The following RGS12 variants were observed in gnomAD, a reference collection of about 807,000 sequenced individuals.
The protein encoded by RGS12 is regulator of G-protein signaling 12.
A neutral mutation model predicts 120.1 loss-of-function variants in RGS12; 66 were observed. The observed-to-expected ratio is 0.55, with a 90% confidence interval of 0.45 to 0.67. The LOEUF is 0.67. RGS12 is among the 30% of genes least tolerant of loss of function. The probability of loss-of-function intolerance (pLI) is 0.00; values close to 1 mark genes in which losing one functional copy is unlikely to be tolerated. For missense variants in RGS12, 1,859 were observed against 1,957.7 expected (o/e 0.95, Z 0.95); for synonymous variants, 827 against 804.7 (o/e 1.03, Z -0.47).
At chr4:3,357,905 C>T (rs1159844956) in intron 3 of RGS12, among the ~76,000 whole-genome samples, 3 of 152,102 alleles carry the variant, frequency 2.0e-5, no homozygotes, top group Non-Finnish European at 4.4e-5. Flanking sequence ...ATTGGGATTT[C>T]AATAGGGATT....
intron 16 of RGS12, 43 bp downstream of exon 16, chr4:3,428,754 C>T (rs748061515): frequency 6.6e-7 from 1 of 1,523,250 alleles, no homozygotes; most frequent in Non-Finnish European, 8.9e-7. Flanking sequence ...AGTAAATGCA[C>T]AGTTAGTTTC....
At chr4:3,414,489 G>A in intron 5 of RGS12, 1 of 598,214 alleles carries the variant, frequency 1.7e-6, no homozygotes, top group Non-Finnish European at 2.9e-6. Context: ...TCTCTCTGCA[G>A]CCCGCAGCAC....
intron 1 of RGS12, among the ~76,000 whole-genome samples, chr4:3,306,265 G>A (rs1416975705): frequency 6.6e-6 from 1 of 152,242 alleles, no homozygotes; most frequent in Non-Finnish European, 1.5e-5. Flanking sequence ...GGAAGGAGGA[G>A]CTGGCTGGCT....
intron 10 of RGS12, among the ~76,000 whole-genome samples, chr4:3,421,940 G>T (rs1723062301): frequency 6.6e-6 from 1 of 152,260 alleles, no homozygotes; most frequent in African/African-American, 2.4e-5. Flanking sequence ...CCGGAAGGCA[G>T]TGCCGACGAA....
chr4:3,349,273 C>T (rs897144529), intron 3 of RGS12, among the ~76,000 whole-genome samples: 2 of 152,172 alleles, frequency 1.3e-5, no homozygotes, highest in African/African-American at 2.4e-5. Context: ...TATAGGCCTT[C>T]GATGACATCC....
In RGS12 at chr4:3,316,214, C is replaced by A; in HGVS notation, c.44C>A (p.Pro15Gln). 1 of 1,597,282 alleles carries A rather than the reference C, an allele frequency of 6.3e-7. No homozygotes were observed. The highest frequency in any genetic ancestry group is 1.1e-5 in the South Asian group (1 of 88,502). ...GCCTCCAAACGCCCATTGCCTGGGC[C>A]GTCGCCCCCAAGGGTGCGGAGTGTG... ...GEASKRPLPGPSPPRVRSVEV... is the reference protein window; with the variant it reads ...GEASKRPLPGQSPPRVRSVEV... Residue 15 changes from proline (P) to glutamine (Q), a missense_variant, in exon 2 of 18, where the codon CCG (proline) becomes CAG (glutamine). Transcript: ENST00000336727.
chr4:3,349,979 G>C (rs746815483), intron 3 of RGS12, among the ~76,000 whole-genome samples: 1 of 152,120 alleles, frequency 6.6e-6, no homozygotes, highest in Non-Finnish European at 1.5e-5. Flanking sequence ...CTACGTTTAT[G>C]TACTTTATTT....
intron 2 of RGS12, chr4:3,324,360 C>A: frequency 5.4e-6 from 1 of 184,748 alleles, no homozygotes. Flanking sequence ...TCAACCCCTG[C>A]TGGAAGGACA....
At chr4:3,298,727 A>G (rs1293390151) in intron 1 of RGS12, among the ~76,000 whole-genome samples, 2 of 152,094 alleles carry the variant, frequency 1.3e-5, no homozygotes, top group African/African-American at 4.8e-5. Flanking sequence ...GGTTTGTTGA[A>G]CTTCTTGGAT....
Position 3,316,165 on chromosome 4 carries a change from A to G in RGS12, c.-6A>G, listed in dbSNP as rs1459843731. The G allele has an allele frequency of 6.5e-7, 1 of 1,535,824 alleles. No individual in the cohort carries two copies. The highest frequency in any genetic ancestry group is 1.4e-5 in the African/African-American group (1 of 72,368). Reference sequence around the variant, plus strand: ...GACGTGCTCTTGGTCTTGGAAGCTCATCAGAATGTTTAGAGCTGGGGAGGC... The same window carrying G: ...GACGTGCTCTTGGTCTTGGAAGCTCGTCAGAATGTTTAGAGCTGGGGAGGC... On this transcript the variant is annotated 5_prime_UTR_variant, in exon 2 of 18. Transcript: ENST00000336727.
chr4:3,377,937 G>A (rs369125422), intron 3 of RGS12, among the ~76,000 whole-genome samples: 27 of 152,256 alleles, frequency 1.8e-4, no homozygotes, highest in African/African-American at 4.6e-4. Context: ...GTTTAATTAC[G>A]GTATATGTTT....
intron 3 of RGS12, among the ~76,000 whole-genome samples, chr4:3,362,113 G>C (rs1327036944): frequency 1.3e-5 from 2 of 152,108 alleles, no homozygotes; most frequent in East Asian, 1.9e-4. Flanking sequence ...CTTGGGTTTT[G>C]TTCACAGGTT....
chr4:3,418,977 TG>T (rs1722706263), intron 9 of RGS12: 1 of 141,558 alleles, frequency 7.1e-6, no homozygotes, highest in East Asian at 2.0e-4. Context: ...GCTCAGGAGT[TG>T]GTGACCAGCC....
rs60809776 is a variant in RGS12 at position 3,411,024 on chromosome 4, G to A, written c.2021-3048G>A. Among the ~76,000 whole-genome samples the A allele has an allele frequency of 6.4e-3, 977 of 152,268 alleles. 10 individuals are homozygous for A. The highest frequency in any genetic ancestry group is 0.022 in the African/African-American group (928 of 41,540). The stretch of plus-strand genomic sequence containing the variant: ...CGTGCACTGTATCAGTGTTGCCTTC[G>A]TGGCTCTGGGCTTCGTGTCTTCCTT... On this transcript the variant is annotated intron_variant, in intron 4 of 17. Coordinates refer to ENST00000336727, the MANE Select transcript of RGS12 (RefSeq NM_001394154.1).
chr4:3,342,675 C>T, intron 2 of RGS12: 1 of 999,972 alleles, frequency 1.0e-6, no homozygotes. Flanking sequence ...TCTGTGTTTA[C>T]AGAGGTGGAG....
intron 3 of RGS12, among the ~76,000 whole-genome samples, chr4:3,362,468 G>A (rs763010783): frequency 7.2e-6 from 1 of 138,286 alleles, no homozygotes; most frequent in Non-Finnish European, 1.6e-5. Flanking sequence ...GAGGGTGTGT[G>A]TGAGGGTGTG....
In RGS12 at chr4:3,423,629, G is replaced by A; in HGVS notation, c.3222G>A (p.Leu1074=). 6.2e-7 allele frequency: 1 copy of A among 1,607,212 alleles called. No individual in the cohort carries two copies. Among genetic ancestry groups the A allele is most frequent in the Non-Finnish European group, 8.5e-7 (1 of 1,179,146 alleles). ...VARYGLDLSG[L]LVRLSGEKEP... ...GATACGGCCTGGACCTCAGTGGCCT[G>A]CTGGTGAGGCTGGTGAGTGTTGCAC... The change falls in exon 13 of 18, where the codon CTG becomes CTA. Residue 1074 remains leucine, a synonymous_variant. Transcript: ENST00000336727.
At chr4:3,343,325 C>A (rs913108568) in intron 3 of RGS12, 9 of 362,736 alleles carry the variant, frequency 2.5e-5, no homozygotes, top group African/African-American at 1.8e-4. Context: ...TGGTTTAATC[C>A]CCACAAATAC....
At chr4:3,346,361 A>G (rs1578783919) in intron 3 of RGS12, among the ~76,000 whole-genome samples, 2 of 152,292 alleles carry the variant, frequency 1.3e-5, no homozygotes, top group East Asian at 3.9e-4. Flanking sequence ...GTAGGCATTA[A>G]GAGGGGTAAA....
Sources: allele counts gnomAD v4.1 joint callset (sites outside exome capture counted in the v4.1 genomes callset), GRCh38; gene constraint gnomAD v4.1.1; transcripts MANE v1.5; gene names NCBI Gene and HGNC (gene_info 2026-07-23, HGNC 2026-07-21).